ABCA13: variants seen among roughly 807,000 people sequenced by gnomAD.
ABCA13 encodes ATP binding cassette subfamily A member 13.
A neutral mutation model predicts 478.7 loss-of-function variants in ABCA13; 476 were observed. The observed-to-expected ratio is 0.99, with a 90% CI of 0.92 to 1.07. The LOEUF is 1.07. Ranked by LOEUF, ABCA13 falls within the 50% of genes least tolerant of loss-of-function variation. The probability of loss-of-function intolerance (pLI) is 0.00; values close to 1 mark genes in which losing one functional copy is unlikely to be tolerated. For missense variants in ABCA13, 6,060 were observed against 5,910.6 expected, an observed-to-expected ratio of 1.03 and a Z score of -0.83; for synonymous variants, 2,252 against 2,158.9, an observed-to-expected ratio of 1.04 and a Z score of -1.20.
chr7:48,612,167 C>A (rs1379681569), intron 58 of ABCA13: 2 of 152,164 alleles, frequency 1.3e-5, no homozygotes, highest in Non-Finnish European at 2.9e-5. Context: ...TATCTACATC[C>A]TAGCTCAAGG....
At chr7:48,362,973 T>C (rs1811119563) in intron 31 of ABCA13, among the ~76,000 whole-genome samples, 1 of 152,176 alleles carries the variant, frequency 6.6e-6, no homozygotes, top group Non-Finnish European at 1.5e-5. Flanking sequence ...GTTTTTCATA[T>C]CATTTCTGCA....
In ABCA13 at chr7:48,310,141, G is replaced by A. The variant is rs745697238; in HGVS notation, c.9516G>A (p.Lys3172=). The A allele has an allele frequency of 6.2e-7, 1 of 1,602,498 alleles. No individual in the cohort carries two copies. The highest frequency in any genetic ancestry group is 1.1e-5 in the South Asian group (1 of 89,132). Residue 3172 remains lysine, a splice_region_variant and synonymous_variant, in exon 24 of 62, where the codon AAG becomes AAA. Transcript: ENST00000435803. Reference sequence around the variant, plus strand: ...TGGATGTGCGAGCTTTCATTTACAAGGTATGGAGAGCATGCTGGCTGGGGG... The same window carrying A: ...TGGATGTGCGAGCTTTCATTTACAAAGTATGGAGAGCATGCTGGCTGGGGG... The part of the protein sequence containing the change: ...RNLDVRAFIY[K]TLMPSEANGL...
At chr7:48,400,005 G>A (rs188453376) in intron 38 of ABCA13, among the ~76,000 whole-genome samples, 115 of 151,682 alleles carry the variant, frequency 7.6e-4, no homozygotes, top group African/African-American at 2.6e-3. Flanking sequence ...CCTTGCATAT[G>A]CTATTCTTTC....
chr7:48,550,439 G>T (rs530574091), intron 55 of ABCA13, among the ~76,000 whole-genome samples: 1 of 151,324 alleles, frequency 6.6e-6, no homozygotes, highest in African/African-American at 2.4e-5. Flanking sequence ...TGTATTTTTA[G>T]TAGAGACGGG....
chr7:48,264,943 T>G (rs540562697), intron 15 of ABCA13, among the ~76,000 whole-genome samples: 65 of 151,888 alleles, frequency 4.3e-4, no homozygotes, highest in African/African-American at 1.6e-3. Context: ...TAATTCATTT[T>G]GTGTTAATTT....
intron 31 of ABCA13, among the ~76,000 whole-genome samples, chr7:48,357,147 G>A (rs1269832264): frequency 2.6e-5 from 4 of 151,850 alleles, no homozygotes; most frequent in African/African-American, 9.7e-5. Context: ...AGCCACTCAT[G>A]CTTGAAATGT....
intron 2 of ABCA13, among the ~76,000 whole-genome samples, chr7:48,197,582 C>A (rs1364393110): frequency 3.3e-5 from 5 of 152,024 alleles, no homozygotes; most frequent in Admixed American, 3.3e-4. Flanking sequence ...GAGAAACGGG[C>A]CGGTAATCAT....
At chr7:48,615,730 G>T (rs1792503778) in intron 59 of ABCA13, among the ~76,000 whole-genome samples, 1 of 152,148 alleles carries the variant, frequency 6.6e-6, no homozygotes, top group Non-Finnish European at 1.5e-5. Flanking sequence ...CTTATGAAAA[G>T]GCTGTGCTGA....
At chr7:48,331,629 C>A (rs766802173) in intron 27 of ABCA13, among the ~76,000 whole-genome samples, 5 of 152,140 alleles carry the variant, frequency 3.3e-5, no homozygotes, top group Non-Finnish European at 7.4e-5. Context: ...ATGGAAAGAT[C>A]GGTGTACCCT....
intron 27 of ABCA13, among the ~76,000 whole-genome samples, chr7:48,331,913 C>T (rs189162621): frequency 3.3e-5 from 5 of 152,322 alleles, no homozygotes; most frequent in African/African-American, 1.2e-4. Context: ...CCCGCAAGTC[C>T]CTGACCCCTG....
Position 48,528,208 on chromosome 7 carries a change from T to G in ABCA13, c.14245-28T>G, listed in dbSNP as rs76852237. ...TTTATTTAGCTTGTTTGATTGAATG[T>G]GCTTTACTTAACTTTGTTTCCTCTT... On this transcript the variant is annotated intron_variant, in intron 54 of 61. Coordinates refer to ENST00000435803, the MANE Select transcript of ABCA13 (RefSeq NM_152701.5). The G allele has an allele frequency of 2.8e-4, 418 of 1,497,722 alleles. 5 individuals are homozygous for G. In the East Asian group the frequency reaches 9.5e-3, roughly 34 times the overall value. The allele number at this position is 1,497,722 out of a possible 1,614,324, so 92.8% of individuals were successfully genotyped here. A position where few individuals can be genotyped will look rare whatever the true frequency, so the allele number is the denominator to read the frequency against.
chr7:48,204,034 G>C (rs1784576917), intron 3 of ABCA13, among the ~76,000 whole-genome samples: 1 of 151,230 alleles, frequency 6.6e-6, no homozygotes, highest in Non-Finnish European at 1.5e-5. Context: ...ATACTGCCTG[G>C]TTCTCAGCCT....
At chr7:48,311,574 C>G (rs1342400252) in intron 24 of ABCA13, among the ~76,000 whole-genome samples, 1 of 152,156 alleles carries the variant, frequency 6.6e-6, no homozygotes, top group African/African-American at 2.4e-5. Flanking sequence ...TAGAGGCCCA[C>G]ATAATTACTG....
chr7:48,451,438 C>T (rs746752723), intron 42 of ABCA13, among the ~76,000 whole-genome samples: 2 of 152,096 alleles, frequency 1.3e-5, no homozygotes, highest in Non-Finnish European at 2.9e-5. Context: ...ACCTGTTCTC[C>T]CACCAGGAAT....
chr7:48,449,052 A>C (rs1309190107), intron 42 of ABCA13, among the ~76,000 whole-genome samples: 1 of 152,200 alleles, frequency 6.6e-6, no homozygotes, highest in Non-Finnish European at 1.5e-5. Context: ...CATGTTGGCC[A>C]GGCTGGTCTC....
chr7:48,428,951 C>G (rs1039184176), intron 42 of ABCA13, among the ~76,000 whole-genome samples: 1 of 152,182 alleles, frequency 6.6e-6, no homozygotes, highest in Non-Finnish European at 1.5e-5. Flanking sequence ...CTCAAAATCC[C>G]CATCTCTTCA....
At chr7:48,350,331 T>G (rs1488907865) in intron 29 of ABCA13, among the ~76,000 whole-genome samples, 4 of 152,200 alleles carry the variant, frequency 2.6e-5, no homozygotes, top group Non-Finnish European at 5.9e-5. Context: ...ATGTAGACTT[T>G]CCTTCTGTTG....
chr7:48,329,765 C>G (rs897034383), intron 27 of ABCA13, among the ~76,000 whole-genome samples: 2 of 151,822 alleles, frequency 1.3e-5, no homozygotes, highest in African/African-American at 4.8e-5. Flanking sequence ...GTCCATTCAT[C>G]TATGCAATCA....
intron 27 of ABCA13, among the ~76,000 whole-genome samples, chr7:48,319,987 C>T (rs1489841277): frequency 6.6e-6 from 1 of 152,144 alleles, no homozygotes; most frequent in African/African-American, 2.4e-5. Context: ...CATCCATATC[C>T]TTCCACAGAG....
Sources: gnomAD v4.1 joint callset for allele counts (sites outside exome capture counted in the v4.1 genomes callset) on GRCh38, gnomAD v4.1.1 for gene constraint, MANE v1.5 for transcripts, NCBI Gene and HGNC (gene_info 2026-07-23, HGNC 2026-07-21) for gene names.